Variants in FILIP1 observed in about 807,000 individuals in gnomAD.
FILIP1 encodes the protein filamin A interacting protein 1, also known as filamin-A-interacting protein 1.
FILIP1 carries 61 observed loss-of-function variants against 102.1 expected under a neutral mutation model. That is an observed-to-expected ratio of 0.60 (90% CI 0.49 to 0.74). The LOEUF (loss-of-function observed/expected upper bound fraction) is 0.74, where lower values mean the gene tolerates loss of function less well. FILIP1 is among the 30% of genes least tolerant of loss of function. The pLI is 0.00. For synonymous variants in FILIP1, 491 were observed against 526.9 expected (o/e 0.93, Z 0.93); for missense variants, 1,314 against 1,441.2 (o/e 0.91, Z 1.43).
intron 4 of FILIP1, among the ~76,000 whole-genome samples, chr6:75,322,572 A>C (rs914528145): frequency 6.6e-6 from 1 of 152,256 alleles, no homozygotes; most frequent in Non-Finnish European, 1.5e-5. Flanking sequence ...ATTTTCTGCA[A>C]GCATTTAGTC....
In FILIP1 at chr6:75,314,325, A is replaced by C; in HGVS notation, c.1507T>G (p.Ser503Ala). Residue 503 changes from serine to alanine, a missense_variant, in exon 5 of 6, where the codon TCA becomes GCA. By Grantham distance (99) the Ser-to-Ala change is moderately conservative. Around this residue, in one of 3 missense-constraint regions of FILIP1, gnomAD observed 816 missense variants for 913.1 expected, o/e 0.89. Coordinates refer to ENST00000237172, the MANE Select transcript of FILIP1 (RefSeq NM_015687.5). Reference protein sequence around the residue: ...SLKDDLTKLKSFTVMLVDERK... With the variant: ...SLKDDLTKLKAFTVMLVDERK... ...TCATCAACCAGCATCACGGTAAATG[A>C]CTTCAACTTGGTAAGATCATCTTTT... The C allele has an allele frequency of 6.6e-7, 1 of 1,520,698 alleles. No homozygotes were observed. Among genetic ancestry groups the C allele is most frequent in the Non-Finnish European group, 8.7e-7 (1 of 1,144,188 alleles). The allele number at this position is 1,520,698 out of a possible 1,614,324, so 94.2% of individuals were successfully genotyped here.
chr6:75,382,710 C>T (rs1775945511), intron 2 of FILIP1, among the ~76,000 whole-genome samples: 2 of 152,238 alleles, frequency 1.3e-5, no homozygotes, highest in African/African-American at 4.8e-5. Context: ...GGGCAGCAAA[C>T]TCTAAAGGTC....
intron 2 of FILIP1, among the ~76,000 whole-genome samples, chr6:75,414,178 G>C (rs1328348455): frequency 6.6e-6 from 1 of 151,168 alleles, no homozygotes; most frequent in African/African-American, 2.4e-5. Flanking sequence ...CAATTCCTAT[G>C]ATGTTGTAGA....
At chr6:75,456,565 CTTT>C (rs145044469) in intron 1 of FILIP1, among the ~76,000 whole-genome samples, 1 of 141,634 alleles carries the variant, frequency 7.1e-6, no homozygotes. Flanking sequence ...TTTTTCTTTT[CTTT>C]TTTTTTTTTT....
intron 1 of FILIP1, among the ~76,000 whole-genome samples, chr6:75,480,337 TG>T (rs1410577662): frequency 1.3e-5 from 2 of 151,170 alleles, no homozygotes; most frequent in African/African-American, 4.9e-5. Context: ...TATTTTCCCT[TG>T]ATCTCTTCAT....
At chr6:75,406,302 A>G (rs1475494712) in intron 2 of FILIP1, among the ~76,000 whole-genome samples, 1 of 152,150 alleles carries the variant, frequency 6.6e-6, no homozygotes, top group African/African-American at 2.4e-5. Flanking sequence ...TTATTCACCA[A>G]TGAACATGGC....
intron 4 of FILIP1, among the ~76,000 whole-genome samples, chr6:75,342,513 G>A (rs1207490571): frequency 6.6e-6 from 1 of 152,158 alleles, no homozygotes; most frequent in African/African-American, 2.4e-5. Context: ...AGTTAATTAC[G>A]GGTATGCTCA....
intron 1 of FILIP1, among the ~76,000 whole-genome samples, chr6:75,484,379 C>A (rs1278095059): frequency 6.6e-6 from 1 of 151,998 alleles, no homozygotes; most frequent in Non-Finnish European, 1.5e-5. Context: ...AGGTGGCACT[C>A]ATCATTTGAA....
downstream of FILIP1, among the ~76,000 whole-genome samples, chr6:75,305,055 G>A (rs1159207447): frequency 5.9e-5 from 9 of 152,198 alleles, no homozygotes; most frequent in East Asian, 1.7e-3. Context: ...AGGATAGCAA[G>A]TGAAAACGAG....
At chr6:75,298,636 G>A (rs906275844) in intron 6 of FILIP1, among the ~76,000 whole-genome samples, 4 of 152,172 alleles carry the variant, frequency 2.6e-5, no homozygotes, top group Admixed American at 1.3e-4. Context: ...TTGCTTTAAA[G>A]CCAGGCTTGG....
rs1359347244 is a variant in FILIP1, at chr6:75,308,370, G to A, written c.*321C>T. On this transcript the variant is annotated 3_prime_UTR_variant, in exon 6 of 6. Transcript: ENST00000237172. ...AATATGGGAGCCGGACTTGAAGAGC[G>A]TGTGATTGAGTCCCCACATCTAACT... 6 of 1,047,282 alleles carry A rather than the reference G, an allele frequency of 5.7e-6. No homozygotes were observed. The highest frequency in any genetic ancestry group is 4.7e-5 in the Admixed American group (1 of 21,080). The allele number at this position is 1,047,282 out of a possible 1,614,324, so 64.9% of individuals were successfully genotyped here. A position where few individuals can be genotyped will look rare whatever the true frequency, so the allele number is the denominator to read the frequency against.
rs762026679 is a variant in FILIP1, at chr6:75,313,765, G to C, written c.2067C>G (p.Ala689=). 2.5e-6 allele frequency: 4 copies of C among 1,596,810 alleles called. No homozygotes were observed. Among genetic ancestry groups the C allele is most frequent in the Admixed American group, 1.8e-5 (1 of 56,712 alleles). Residue 689 remains alanine (A), a synonymous_variant, in exon 5 of 6, where the codon GCC becomes GCG. Coordinates refer to ENST00000237172, the MANE Select transcript of FILIP1 (RefSeq NM_015687.5). This position sits in a 1 kb window ranked among gnomAD's most constrained non-coding sequence, Gnocchi z 4.2. The part of the protein sequence containing the change: ...QQLEEIKHQI[A]KNKAIEKGEV... The stretch of plus-strand genomic sequence containing the variant: ...CACCCTTCTCTATTGCTTTATTCTT[G>C]GCAATTTGGTGCTTGATCTCCTCTA...
intron 2 of FILIP1, among the ~76,000 whole-genome samples, chr6:75,372,716 AAGAAAGAGAAAGAG>A (rs1775596271): frequency 2.0e-5 from 1 of 49,386 alleles, no homozygotes; most frequent in Admixed American, 1.9e-4. Flanking sequence ...AAAGAAAGGA[AAGAAAGAGAAAGAG>A]AAAGAAAGAA....
At chr6:75,400,316 C>T (rs186086368) in intron 2 of FILIP1, among the ~76,000 whole-genome samples, 8 of 152,276 alleles carry the variant, frequency 5.3e-5, no homozygotes, top group African/African-American at 1.9e-4. Flanking sequence ...CCAATTGCAA[C>T]TACAAAGTAA....
intron 1 of FILIP1, among the ~76,000 whole-genome samples, chr6:75,432,325 C>T (rs1371582711): frequency 1.3e-5 from 2 of 152,088 alleles, no homozygotes; most frequent in African/African-American, 4.8e-5. Context: ...TTTTCAGGAC[C>T]TACTTTATTG....
downstream of FILIP1, among the ~76,000 whole-genome samples, chr6:75,307,194 C>A (rs898182038): frequency 2.4e-4 from 37 of 152,164 alleles, no homozygotes; most frequent in Non-Finnish European, 5.0e-4. Flanking sequence ...GAGGCATCTA[C>A]ATCTACCACC....
At chr6:75,469,902 G>C (rs576625864) in intron 1 of FILIP1, among the ~76,000 whole-genome samples, 11 of 152,014 alleles carry the variant, frequency 7.2e-5, no homozygotes, top group African/African-American at 2.2e-4. Context: ...GTTTATGTGG[G>C]AAAAAACTAA....
At chr6:75,410,074 T>A (rs1307646701) in intron 2 of FILIP1, among the ~76,000 whole-genome samples, 2 of 152,142 alleles carry the variant, frequency 1.3e-5, no homozygotes, top group African/African-American at 2.4e-5. Flanking sequence ...TATCAGTGAG[T>A]TGATTTTGTC....
chr6:75,392,702 T>C (rs1035027820), intron 2 of FILIP1, among the ~76,000 whole-genome samples: 2 of 152,160 alleles, frequency 1.3e-5, no homozygotes, highest in Admixed American at 6.6e-5. Flanking sequence ...AAATCTCATA[T>C]TGTAGCTCCC....
Sources: gnomAD v4.1 joint callset for allele counts (sites outside exome capture counted in the v4.1 genomes callset) on GRCh38, gnomAD v4.1.1 for gene constraint, gnomAD v4.1.1 regional missense constraint, Gnocchi (gnomAD v3.1) non-coding constraint, MANE v1.5 for transcripts, NCBI Gene and HGNC (gene_info 2026-07-23, HGNC 2026-07-21) for gene names.